Variants in RNF157 observed in about 807,000 individuals in gnomAD.
RNF157 encodes the protein ring finger protein 157.
RNF157 carries 55 observed loss-of-function variants against 88.3 expected under a neutral mutation model. The observed-to-expected ratio is 0.62, with a 90% CI of 0.50 to 0.78. The LOEUF (loss-of-function observed/expected upper bound fraction) is 0.78. Ranked by LOEUF, RNF157 falls within the 30% of genes least tolerant of loss-of-function variation. RNF157 has a pLI of 0.00. For missense variants in RNF157, 788 were observed against 860.8 expected, an observed-to-expected ratio of 0.92 and a Z score of 1.06; for synonymous variants, 334 against 341.2, an observed-to-expected ratio of 0.98 and a Z score of 0.23.
intron 6 of RNF157, 89 bp downstream of exon 6, chr17:76,166,372 G>A: frequency 9.7e-7 from 1 of 1,034,728 alleles, no homozygotes; most frequent in Non-Finnish European, 1.5e-6. Flanking sequence ...CCACAAAGAA[G>A]GCATGTTGTT....
At chr17:76,192,133 AAT>A (rs1306238942) in intron 2 of RNF157, among the ~76,000 whole-genome samples, 17 of 152,356 alleles carry the variant, frequency 1.1e-4, no homozygotes, top group African/African-American at 4.1e-4. Context: ...ACTTGGTTTC[AAT>A]ATGTTTCAAA....
In RNF157 at chr17:76,156,232, T is replaced by C. The variant is rs765445735; in HGVS notation, c.1503A>G (p.Ser501=). The C allele has an allele frequency of 1.2e-6, 2 of 1,613,962 alleles. No homozygotes were observed. Among genetic ancestry groups the C allele is most frequent in the South Asian group, 2.2e-5 (2 of 91,076 alleles). ...TACCTTCTGGGGAGGAAATAGTGGATGACAGAGGCGTCCCTGTGCAAGACG... is the reference window on the plus strand; with the variant it reads ...TACCTTCTGGGGAGGAAATAGTGGACGACAGAGGCGTCCCTGTGCAAGACG... The part of the protein sequence containing the change: ...DQSSCTGTPL[S]STISSPEGPA... Residue 501 remains serine (S), a synonymous_variant, in exon 14 of 19, where the codon TCA becomes TCG. Coordinates refer to ENST00000269391, the MANE Select transcript of RNF157 (RefSeq NM_052916.3).
intron 3 of RNF157, 42 bp downstream of exon 3, chr17:76,173,660 A>T (rs1368380884): frequency 6.7e-7 from 1 of 1,482,490 alleles, no homozygotes; most frequent in East Asian, 2.4e-5. Flanking sequence ...GCCTCCCCAA[A>T]GGAAGGTGCC....
At chr17:76,201,216 T>G (rs1049492825) in intron 2 of RNF157, among the ~76,000 whole-genome samples, 1 of 150,668 alleles carries the variant, frequency 6.6e-6, no homozygotes, top group Non-Finnish European at 1.5e-5. Context: ...CCGGGCACAG[T>G]GGCTCACACC....
chr17:76,155,567 C>T lies in RNF157; in HGVS notation c.1693G>A (p.Gly565Arg). ...QPASRAPSEE[G>R]EGLPAESPDS... ...GTTCCCGTCCCTTCCCTTACCTCTC[C>T]TTCTTCTGAGGGGGCCCTGCTGGCA... Residue 565 changes from glycine (G) to arginine (R), a missense_variant, in exon 15 of 19, where the codon GGA becomes AGA. Gly to Arg is a moderately radical substitution (Grantham distance 125). Transcript: ENST00000269391. 1.9e-6 allele frequency: 3 copies of T among 1,612,124 alleles called. No individual in the cohort carries two copies. Among genetic ancestry groups the T allele is most frequent in the Non-Finnish European group, 2.5e-6 (3 of 1,179,416 alleles).
intron 1 of RNF157, among the ~76,000 whole-genome samples, chr17:76,214,093 T>A (rs1205292470): frequency 6.6e-6 from 1 of 152,158 alleles, no homozygotes; most frequent in Non-Finnish European, 1.5e-5. Context: ...GGTTGGTTAG[T>A]TGGAAGCACA....
chr17:76,206,706 G>C (rs372257769), intron 2 of RNF157, among the ~76,000 whole-genome samples: 12 of 152,284 alleles, frequency 7.9e-5, no homozygotes, highest in African/African-American at 2.9e-4. Context: ...GCAATGGCGT[G>C]ATCTTGGGAT....
rs758749297 is a variant in RNF157, at chr17:76,240,130, C to G, written c.88+23G>C. 3 of 1,291,904 alleles carry G rather than the reference C, an allele frequency of 2.3e-6. No homozygotes were observed. Among genetic ancestry groups the G allele is most frequent in the Middle Eastern group, 4.1e-4 (2 of 4,930 alleles). The allele number at this position is 1,291,904 out of a possible 1,614,324, so 80.0% of individuals were successfully genotyped here. ...CCCCTGCCCCTCTCCCTCCTCGCGG[C>G]TGCGGCGCCCGCCCGCCCTCACCGG... On this transcript the variant is annotated intron_variant, in intron 1 of 18. Transcript: ENST00000269391. This position sits in a 1 kb window ranked among gnomAD's most constrained non-coding sequence, Gnocchi z 4.4.
intron 2 of RNF157, chr17:76,175,711 T>C: frequency 1.0e-6 from 1 of 969,960 alleles, no homozygotes; most frequent in South Asian, 4.8e-5. Context: ...ATCATTTTCA[T>C]TTGTACAGGT....
chr17:76,173,646 C>T (rs1332882494), intron 3 of RNF157, 56 bp downstream of exon 3: 21 of 1,371,626 alleles, frequency 1.5e-5, no homozygotes, highest in Non-Finnish European at 2.0e-5. Context: ...TCCCCCAGCC[C>T]CCAGCCTCCC....
At chr17:76,218,608 G>T (rs569347587) in intron 1 of RNF157, among the ~76,000 whole-genome samples, 23 of 152,150 alleles carry the variant, frequency 1.5e-4, no homozygotes, top group Middle Eastern at 3.4e-3. Context: ...CTGGACTCCA[G>T]CCTGGGCAAC....
At chr17:76,169,713 G>A (rs564860756) in intron 3 of RNF157, among the ~76,000 whole-genome samples, 9 of 151,810 alleles carry the variant, frequency 5.9e-5, no homozygotes, top group African/African-American at 1.5e-4. Flanking sequence ...CCAAGTAGCT[G>A]GGATTATAGG....
At position 76,237,029 on chromosome 17, in the gene RNF157, C is replaced by T. The variant is rs186672110; in HGVS notation, c.88+3124G>A. On this transcript the variant is annotated intron_variant, in intron 1 of 18. Coordinates refer to ENST00000269391, the MANE Select transcript of RNF157 (RefSeq NM_052916.3). ...CGGTGAGAACAAGGCTTTCACTGTA[C>T]ACGTTTTCATTCTTTTAAAGTTTGA... 3.3e-3 allele frequency among the ~76,000 whole-genome samples: 502 copies of T among 152,316 alleles called. 1 individual carries two copies. The highest frequency in any genetic ancestry group is 5.7e-3 in the Non-Finnish European group (386 of 68,020).
In RNF157 at chr17:76,155,547, C is replaced by T. The variant is rs369511766; in HGVS notation, c.1698+15G>A. On this transcript the variant is annotated intron_variant, in intron 15 of 18. Coordinates refer to ENST00000269391, the MANE Select transcript of RNF157 (RefSeq NM_052916.3). Reference sequence around the variant, plus strand: ...AGAACAGAGAAGCCAGGGCGGTTCCCGTCCCTTCCCTTACCTCTCCTTCTT... The same window carrying T: ...AGAACAGAGAAGCCAGGGCGGTTCCTGTCCCTTCCCTTACCTCTCCTTCTT... 138 of 1,609,664 alleles carry T rather than the reference C, an allele frequency of 8.6e-5. No homozygotes were observed. Among genetic ancestry groups the T allele is most frequent in the African/African-American group, 3.2e-4 (24 of 74,536 alleles).
At position 76,146,921 on chromosome 17, in the gene RNF157, G is replaced by A. The variant is rs2068594258; in HGVS notation, c.1922-1568C>T. 1 of 985,436 alleles carries A rather than the reference G, an allele frequency of 1.0e-6. No homozygotes were observed. The highest frequency in any genetic ancestry group is 1.2e-6 in the Non-Finnish European group (1 of 829,916). The allele number at this position is 985,436 out of a possible 1,614,324, so 61.0% of individuals were successfully genotyped here. ...AGGACATGAAACCCTTTAATGGCATGTAGAGTCAACAGGTATAAATGGCTT... is the reference window on the plus strand; with the variant it reads ...AGGACATGAAACCCTTTAATGGCATATAGAGTCAACAGGTATAAATGGCTT... On this transcript the variant is annotated intron_variant, in intron 18 of 18. Coordinates refer to ENST00000269391, the MANE Select transcript of RNF157 (RefSeq NM_052916.3). This position sits in a 1 kb window ranked among gnomAD's most constrained non-coding sequence, Gnocchi z 4.2.
chr17:76,178,881 A>C (rs141799978), intron 2 of RNF157, among the ~76,000 whole-genome samples: 100 of 152,208 alleles, frequency 6.6e-4, no homozygotes, highest in African/African-American at 2.3e-3. Context: ...AGGTTTGAAC[A>C]CGTTCTACCT....
chr17:76,176,099 A>G lies in RNF157; in HGVS notation c.208-2309T>C, dbSNP rs1474607093. Among the ~76,000 whole-genome samples the G allele has an allele frequency of 6.6e-6, 1 of 152,230 alleles. No homozygotes were observed. Among genetic ancestry groups the G allele is most frequent in the Non-Finnish European group, 1.5e-5 (1 of 68,042 alleles). ...TTTGTGCCTTGCTGGCCTTGCATTC[A>G]TGCAATCAGAGTCTACATGCAACAC... On this transcript the variant is annotated intron_variant, in intron 2 of 18. Coordinates refer to ENST00000269391, the MANE Select transcript of RNF157 (RefSeq NM_052916.3). This position sits in a 1 kb window ranked among gnomAD's most constrained non-coding sequence, Gnocchi z 4.2.
At chr17:76,236,471 G>T (rs1007781839) in intron 1 of RNF157, among the ~76,000 whole-genome samples, 1 of 152,100 alleles carries the variant, frequency 6.6e-6, no homozygotes, top group South Asian at 2.1e-4. Context: ...AAGATGCAAA[G>T]ATCTTAGAGA....
rs117200915 is a variant in RNF157, at chr17:76,201,306, T to C, written c.207+11058A>G. ...TTCAAGACCAGCCTTGGCAACATAG[T>C]GAGACCCTAGTCTCTACAAAAAAAA... On this transcript the variant is annotated intron_variant, in intron 2 of 18. Coordinates refer to ENST00000269391, the MANE Select transcript of RNF157 (RefSeq NM_052916.3). 6.9e-3 allele frequency among the ~76,000 whole-genome samples: 874 copies of C among 127,460 alleles called. 4 individuals carry two copies. The highest frequency in any genetic ancestry group is 8.7e-3 in the Non-Finnish European group (557 of 63,752). 83.6% of individuals were successfully genotyped at this position (127,460 alleles called of 152,430 possible).
Sources: gnomAD v4.1 joint callset for allele counts (sites outside exome capture counted in the v4.1 genomes callset) on GRCh38, gnomAD v4.1.1 for gene constraint, Gnocchi (gnomAD v3.1) non-coding constraint, MANE v1.5 for transcripts, NCBI Gene and HGNC (gene_info 2026-07-23, HGNC 2026-07-21) for gene names.